INPP4A: variants seen among roughly 807,000 people sequenced by gnomAD.
INPP4A encodes the protein inositol polyphosphate-4-phosphatase, type I, 107kD.
INPP4A carries 33 observed loss-of-function variants against 119.8 expected under a neutral mutation model. The ratio of observed to expected loss-of-function variants is 0.28; its 90% CI spans 0.21 to 0.37. The LOEUF (loss-of-function observed/expected upper bound fraction) is 0.37, where lower values mean the gene tolerates loss of function less well. Ranked by LOEUF, INPP4A falls within the 10% of genes least tolerant of loss-of-function variation. The probability of loss-of-function intolerance (pLI) is 1.00; values close to 1 mark genes in which losing one functional copy is unlikely to be tolerated. For missense variants in INPP4A, 956 were observed against 1,289.9 expected, an observed-to-expected ratio of 0.74 and a Z score of 3.97; for synonymous variants, 496 against 500.7, an observed-to-expected ratio of 0.99 and a Z score of 0.12.
rs1700173516 is a variant in INPP4A, at chr2:98,588,804, T to C, written c.*1196T>C. The C allele has an allele frequency of 4.5e-6, 1 of 221,168 alleles. No homozygotes were observed. The highest frequency in any genetic ancestry group is 5.8e-5 in the Admixed American group (1 of 17,338). 13.7% of individuals were successfully genotyped at this position (221,168 alleles called of 1,614,324 possible). The stretch of plus-strand genomic sequence containing the variant: ...TTGTTTCTTAGGAGTTTATATGTTT[T>C]ATTGATTCTGTTTACGATGTTTACA... On this transcript the variant is annotated 3_prime_UTR_variant, in exon 25 of 25. Coordinates refer to ENST00000409851, the MANE Select transcript of INPP4A (RefSeq NM_001134225.2).
At chr2:98,545,892 A>G in intron 11 of INPP4A, 77 bp from the exon 12 acceptor site, 1 of 1,028,154 alleles carries the variant, frequency 9.7e-7, no homozygotes. Context: ...CATCCTCTGA[A>G]TTCCATTTTC....
chr2:98,547,015 T>C (rs1692595239), intron 13 of INPP4A, among the ~76,000 whole-genome samples: 2 of 152,200 alleles, frequency 1.3e-5, no homozygotes, highest in African/African-American at 4.8e-5. Context: ...GGCCAGTCAG[T>C]TGAGCACCAT....
chr2:98,533,462 C>T lies in INPP4A; in HGVS notation c.237C>T (p.Phe79=). 6.2e-7 allele frequency: 1 copy of T among 1,613,474 alleles called. No individual in the cohort carries two copies. The highest frequency in any genetic ancestry group is 8.5e-7 in the Non-Finnish European group (1 of 1,179,536). ...AVSVTTPPQA[F]WTKHAQTEII... ...GTGTCACCACCCCTCCTCAGGCATT[C>T]TGGACGAAGCATGCACAGACGGAGA... The change falls in exon 5 of 25, where the codon TTC becomes TTT. Residue 79 remains phenylalanine (F), a synonymous_variant. Coordinates refer to ENST00000409851, the MANE Select transcript of INPP4A (RefSeq NM_001134225.2).
At chr2:98,581,733 G>C (rs376368233) in intron 24 of INPP4A, 10 of 1,609,668 alleles carry the variant, frequency 6.2e-6, no homozygotes, top group Non-Finnish European at 8.5e-6. Flanking sequence ...AGCATACCTG[G>C]TGACCAAATT....
At chr2:98,452,371 A>G (rs529190411) in intron 1 of INPP4A, among the ~76,000 whole-genome samples, 1 of 152,348 alleles carries the variant, frequency 6.6e-6, no homozygotes, top group East Asian at 1.9e-4. Context: ...CCACTGAATC[A>G]GAAACTCTGG....
intron 7 of INPP4A, 34 bp downstream of exon 7, chr2:98,536,242 T>C (rs1300463310): frequency 7.5e-7 from 1 of 1,340,510 alleles, no homozygotes; most frequent in Admixed American, 1.8e-5. Flanking sequence ...TGAAAGGATC[T>C]GGAATCATGA....
intron 1 of INPP4A, among the ~76,000 whole-genome samples, chr2:98,446,950 G>A (rs530706827): frequency 6.6e-6 from 1 of 152,290 alleles, no homozygotes; most frequent in East Asian, 1.9e-4. Flanking sequence ...GTGTATGACA[G>A]AGAACTATCA....
intron 4 of INPP4A, among the ~76,000 whole-genome samples, chr2:98,525,769 GTCA>G (rs1486811905): frequency 6.6e-6 from 1 of 152,184 alleles, no homozygotes; most frequent in Non-Finnish European, 1.5e-5. Context: ...AACAGCATAA[GTCA>G]TCATGTAACC....
At chr2:98,572,972 G>A (rs552609492) in intron 23 of INPP4A, 45 bp downstream of exon 23, 30 of 1,349,088 alleles carry the variant, frequency 2.2e-5, no homozygotes, top group Non-Finnish European at 3.0e-5. Flanking sequence ...GGTGCCCACA[G>A]CTGAACGTCA....
rs1317557542 is a variant in INPP4A, at chr2:98,520,088, G to T, written c.40G>T (p.Ala14Ser). Residue 14 changes from alanine to serine, a missense_variant, in exon 3 of 25, where the codon GCC becomes TCC. Ala to Ser is a moderately conservative substitution (Grantham distance 99). This residue lies in a region of INPP4A where 652 missense variants were observed against 797.9 expected (regional missense o/e 0.82). Transcript: ENST00000409851. ...GCACAGCCCTCGCCATGGTGCCAGG[G>T]CCCGTGCAATGCAGCGGGCTTCCAC... ...REHSPRHGAR[A>S]RAMQRASTID... 1.3e-6 allele frequency: 2 copies of T among 1,582,086 alleles called. No homozygotes were observed. The highest frequency in any genetic ancestry group is 1.3e-5 in the African/African-American group (1 of 74,398).
intron 1 of INPP4A, among the ~76,000 whole-genome samples, chr2:98,476,971 C>T (rs1677366435): frequency 6.6e-6 from 1 of 152,186 alleles, no homozygotes; most frequent in African/African-American, 2.4e-5. Context: ...TTCTGGATGG[C>T]TAGAAGAGCC....
chr2:98,466,117 C>A (rs1308595316), intron 1 of INPP4A, among the ~76,000 whole-genome samples: 1 of 152,232 alleles, frequency 6.6e-6, no homozygotes, highest in Non-Finnish European at 1.5e-5. Context: ...GTGATCTCTG[C>A]TCACTGCAAC....
intron 1 of INPP4A, among the ~76,000 whole-genome samples, chr2:98,492,178 C>T (rs761669572): frequency 6.6e-6 from 1 of 152,062 alleles, no homozygotes; most frequent in African/African-American, 2.4e-5. Flanking sequence ...TGTGAGCCAC[C>T]GACAACTGCA....
intron 13 of INPP4A, among the ~76,000 whole-genome samples, chr2:98,548,655 C>T (rs1302632960): frequency 1.3e-5 from 2 of 152,144 alleles, no homozygotes; most frequent in African/African-American, 4.8e-5. Context: ...TATTTAATTT[C>T]TCACTAATGC....
At chr2:98,459,486 G>A (rs1337276686) in intron 1 of INPP4A, among the ~76,000 whole-genome samples, 1 of 152,214 alleles carries the variant, frequency 6.6e-6, no homozygotes, top group Non-Finnish European at 1.5e-5. Flanking sequence ...CCTCCTTGGT[G>A]TGCAACTGGT....
chr2:98,537,983 C>T lies in INPP4A; in HGVS notation c.579+9C>T, dbSNP rs377531850. The T allele has an allele frequency of 8.0e-5, 123 of 1,536,646 alleles. No homozygotes were observed. The highest frequency in any genetic ancestry group is 1.1e-4 in the Non-Finnish European group (118 of 1,114,456). On this transcript the variant is annotated intron_variant, in intron 8 of 24. Transcript: ENST00000409851. ...ACACTGTCAATGGGAGGGTGAGTTA[C>T]ACCACTTTCCTCCTCTCCCTTAGAA...
chr2:98,579,745 C>A (rs1699003634), intron 24 of INPP4A, among the ~76,000 whole-genome samples: 1 of 152,242 alleles, frequency 6.6e-6, no homozygotes, highest in African/African-American at 2.4e-5. Context: ...ACCCTGCCCT[C>A]TTCCTTTCTA....
chr2:98,559,099 A>G (rs1476961309), intron 16 of INPP4A, among the ~76,000 whole-genome samples: 5 of 152,258 alleles, frequency 3.3e-5, no homozygotes, highest in African/African-American at 9.6e-5. Flanking sequence ...CCGCAAGCCA[A>G]CGCGGGGCTC....
chr2:98,543,412 A>T lies in INPP4A; in HGVS notation c.819-465A>T, dbSNP rs143656436. Reference sequence around the variant, plus strand: ...AGAAGCGCTGTCCTGATAGCCTCCTAGGGGAGATGACGAGGCAAGCAGGAG... The same window carrying T: ...AGAAGCGCTGTCCTGATAGCCTCCTTGGGGAGATGACGAGGCAAGCAGGAG... On this transcript the variant is annotated intron_variant, in intron 10 of 24. Coordinates refer to ENST00000409851, the MANE Select transcript of INPP4A (RefSeq NM_001134225.2). Among the ~76,000 whole-genome samples, 17 of 152,260 alleles carry T rather than the reference A, an allele frequency of 1.1e-4. No individual in the cohort carries two copies. In the South Asian group the frequency reaches 1.2e-3, roughly 11 times the overall value.
Sources: gnomAD v4.1 joint callset for allele counts (sites outside exome capture counted in the v4.1 genomes callset) on GRCh38, gnomAD v4.1.1 for gene constraint, gnomAD v4.1.1 regional missense constraint, MANE v1.5 for transcripts, NCBI Gene and HGNC (gene_info 2026-07-23, HGNC 2026-07-21) for gene names.